STK31: variants seen among roughly 807,000 people sequenced by gnomAD.
The protein encoded by STK31 is serine/threonine kinase 31, also known as serine/threonine-protein kinase 31.
A neutral mutation model predicts 129.7 loss-of-function variants in STK31; 89 were observed. That is an observed-to-expected ratio of 0.69 (90% confidence interval 0.58 to 0.82). The LOEUF (loss-of-function observed/expected upper bound fraction) is 0.82. STK31 is among the 40% of genes least tolerant of loss of function. The pLI is 0.00. For synonymous variants in STK31, 448 were observed against 395.3 expected (o/e 1.13, Z -1.58); for missense variants, 1,187 against 1,176.4 (o/e 1.01, Z -0.13).
chr7:23,809,251 T>C (rs548381502), intron 22 of STK31, among the ~76,000 whole-genome samples: 2 of 152,208 alleles, frequency 1.3e-5, no homozygotes, highest in South Asian at 4.2e-4. Context: ...TGAATGCTGT[T>C]GCACTGCATT....
At chr7:23,752,923 T>A (rs749755906) in intron 9 of STK31, 91 bp downstream of exon 9, 1 of 808,944 alleles carries the variant, frequency 1.2e-6, no homozygotes, top group Non-Finnish European at 2.0e-6. Flanking sequence ...CCATTTTTGC[T>A]TTAAAATTTA....
intron 15 of STK31, among the ~76,000 whole-genome samples, chr7:23,774,045 C>T (rs1222645315): frequency 1.3e-5 from 2 of 151,778 alleles, no homozygotes; most frequent in African/African-American, 2.4e-5. Flanking sequence ...GGTTTTCTGT[C>T]CTTGTGATAG....
rs758201625 is a variant in STK31, at chr7:23,712,126, A to G, written c.78A>G (p.Glu26=). The G allele has an allele frequency of 5.6e-6, 9 of 1,612,106 alleles. No individual in the cohort carries two copies. The highest frequency in any genetic ancestry group is 7.6e-6 in the Non-Finnish European group (9 of 1,178,248). ...TTTCAGGAATTGTTCAAATGGATGA[A>G]GATACACATTACGATAAAGGTACTG... ...VSFSGIVQMD[E]DTHYDKVEDV... Residue 26 remains glutamate, a synonymous_variant, in exon 2 of 24, where the codon GAA becomes GAG. Transcript: ENST00000355870.
intron 23 of STK31, among the ~76,000 whole-genome samples, chr7:23,818,251 T>C (rs1793580990): frequency 6.6e-6 from 1 of 152,160 alleles, no homozygotes; most frequent in African/African-American, 2.4e-5. Flanking sequence ...AAAAATGATT[T>C]CATTTTCCAT....
intron 8 of STK31, among the ~76,000 whole-genome samples, chr7:23,741,891 T>C (rs1208485725): frequency 2.0e-5 from 3 of 152,214 alleles, no homozygotes; most frequent in African/African-American, 7.2e-5. Flanking sequence ...GCTGCAGTCA[T>C]GTCAGCCTAA....
At position 23,735,750 on chromosome 7, in the gene STK31, T is replaced by C. The variant is rs1433519688; in HGVS notation, c.696T>C (p.Val232=). The change falls in exon 7 of 24, where the codon GTT becomes GTC. Residue 232 remains valine (V), a synonymous_variant. Coordinates refer to ENST00000355870, the MANE Select transcript of STK31 (RefSeq NM_031414.5). ...AAAAATTGGATCCTGGTCAACTTGTTCTCAGGAACCTCAAAAGCCCCATTC... is the reference window on the plus strand; with the variant it reads ...AAAAATTGGATCCTGGTCAACTTGTCCTCAGGAACCTCAAAAGCCCCATTC... ...EEKKLDPGQL[V]LRNLKSPIPL... 6.2e-7 allele frequency: 1 copy of C among 1,614,028 alleles called. No individual in the cohort carries two copies. Among genetic ancestry groups the C allele is most frequent in the African/African-American group, 1.3e-5 (1 of 74,936 alleles).
chr7:23,750,067 T>TTCCCCC (rs1788611310), intron 8 of STK31, among the ~76,000 whole-genome samples: 10 of 90,532 alleles, frequency 1.1e-4, no homozygotes, highest in South Asian at 4.6e-4. Flanking sequence ...ATGGTTTGTT[T>TTCCCCC]CCCCCCCCGC....
At chr7:23,774,842 G>A (rs1307262787) in intron 15 of STK31, among the ~76,000 whole-genome samples, 4 of 152,142 alleles carry the variant, frequency 2.6e-5, no homozygotes, top group African/African-American at 4.8e-5. Flanking sequence ...TGGACATGAA[G>A]TCCTTGCCCA....
chr7:23,726,710 T>C (rs1584336289), intron 4 of STK31, among the ~76,000 whole-genome samples: 1 of 152,068 alleles, frequency 6.6e-6, no homozygotes, highest in East Asian at 1.9e-4. Flanking sequence ...TAAAATAAAG[T>C]ACAGTATTAA....
At chr7:23,830,606 G>GTGTGTGTGTA (rs1425222340) in intron 23 of STK31, among the ~76,000 whole-genome samples, 1 of 148,016 alleles carries the variant, frequency 6.8e-6, no homozygotes, top group African/African-American at 2.6e-5. Context: ...GTGTGTGTGT[G>GTGTGTGTGTA]TGTGTGTGTG....
intron 6 of STK31, among the ~76,000 whole-genome samples, chr7:23,733,645 A>G (rs1046615273): frequency 4.6e-5 from 7 of 151,610 alleles, no homozygotes; most frequent in Admixed American, 2.6e-4. Context: ...CATCTCTACT[A>G]CAAAATACAA....
chr7:23,778,977 A>G (rs756206504), intron 15 of STK31, among the ~76,000 whole-genome samples: 1 of 151,488 alleles, frequency 6.6e-6, no homozygotes, highest in Non-Finnish European at 1.5e-5. Context: ...GGATTTATCT[A>G]CCTTTGGTCT....
At chr7:23,774,256 CT>C (rs1348856535) in intron 15 of STK31, among the ~76,000 whole-genome samples, 1 of 152,142 alleles carries the variant, frequency 6.6e-6, no homozygotes, top group Non-Finnish European at 1.5e-5. Context: ...GTGCATGTGT[CT>C]TTATAGTAGC....
At chr7:23,718,129 T>C (rs1786460829) in intron 4 of STK31, among the ~76,000 whole-genome samples, 1 of 152,080 alleles carries the variant, frequency 6.6e-6, no homozygotes, top group Non-Finnish European at 1.5e-5. Context: ...CAGTTAAAAA[T>C]AGGAAAAGTA....
intron 23 of STK31, among the ~76,000 whole-genome samples, chr7:23,819,360 C>G (rs1793657817): frequency 6.6e-6 from 1 of 151,614 alleles, no homozygotes; most frequent in Non-Finnish European, 1.5e-5. Flanking sequence ...ACTAAAATTT[C>G]AAATCTTAAG....
At chr7:23,810,231 T>C (rs1793001408) in intron 22 of STK31, among the ~76,000 whole-genome samples, 2 of 152,098 alleles carry the variant, frequency 1.3e-5, no homozygotes, top group African/African-American at 4.8e-5. Flanking sequence ...GTTTCAACAT[T>C]AATGTTTGCA....
chr7:23,721,297 T>A (rs749320357), intron 4 of STK31: 2 of 618,480 alleles, frequency 3.2e-6, no homozygotes, highest in South Asian at 4.0e-5. Context: ...TTCTTTCTCC[T>A]TGATCTAAAC....
chr7:23,779,266 G>A (rs1487574998), intron 15 of STK31, among the ~76,000 whole-genome samples: 2 of 152,158 alleles, frequency 1.3e-5, no homozygotes, highest in Admixed American at 1.3e-4. Flanking sequence ...CCTGTATGAG[G>A]TGTCTGTCGT....
intron 8 of STK31, among the ~76,000 whole-genome samples, chr7:23,742,276 G>T (rs1053997432): frequency 6.6e-6 from 1 of 152,204 alleles, no homozygotes; most frequent in Non-Finnish European, 1.5e-5. Context: ...TATGGAGTAT[G>T]ATCTACTTAT....
Sources: allele counts gnomAD v4.1 joint callset (sites outside exome capture counted in the v4.1 genomes callset), GRCh38; gene constraint gnomAD v4.1.1; transcripts MANE v1.5; gene names NCBI Gene and HGNC (gene_info 2026-07-23, HGNC 2026-07-21).